CLMN: variants seen among roughly 807,000 people sequenced by gnomAD.
The protein encoded by CLMN is calmin, also known as calmin (calponin-like, transmembrane).
A neutral mutation model predicts 92.7 loss-of-function variants in CLMN; 57 were observed. That is an observed-to-expected ratio of 0.61 (90% confidence interval 0.50 to 0.77). The LOEUF is 0.77. Ranked by LOEUF, CLMN falls within the 30% of genes least tolerant of loss-of-function variation. The pLI, the probability that CLMN is intolerant of heterozygous loss-of-function variation, is 0.00. For missense variants in CLMN, 1,158 were observed against 1,237.5 expected (o/e 0.94, Z 0.96); for synonymous variants, 466 against 470.6 (o/e 0.99, Z 0.13).
rs185230943 is a variant in CLMN at position 95,276,292 on chromosome 14, T to C, written c.82+43419A>G. Among the ~76,000 whole-genome samples, 192 of 152,330 alleles carry C rather than the reference T, an allele frequency of 1.3e-3. 3 individuals carry two copies. Among genetic ancestry groups the C allele is most frequent in the African/African-American group, 4.4e-3 (184 of 41,578 alleles). Reference sequence around the variant, plus strand: ...AGACCATAGGGGATGAGAGGTCCTCTTGGTGAAGTCCCTCAGTAAGGAAAA... The same window carrying C: ...AGACCATAGGGGATGAGAGGTCCTCCTGGTGAAGTCCCTCAGTAAGGAAAA... On this transcript the variant is annotated intron_variant, in intron 1 of 12. Transcript: ENST00000298912.
At chr14:95,272,977 C>T in intron 1 of CLMN, among the ~76,000 whole-genome samples, 1 of 152,296 alleles carries the variant, frequency 6.6e-6, no homozygotes, top group South Asian at 2.1e-4. Flanking sequence ...TTCCCTTCCC[C>T]AAAGCAAACA....
chr14:95,268,019 G>C (rs1490849594), intron 1 of CLMN, among the ~76,000 whole-genome samples: 1 of 152,178 alleles, frequency 6.6e-6, no homozygotes, highest in Non-Finnish European at 1.5e-5. Context: ...CCAGGAAGGA[G>C]AGAGGGGAGA....
At chr14:95,245,246 A>ATATATAATATATATATATATAT (rs1898485356) in intron 1 of CLMN, among the ~76,000 whole-genome samples, 3 of 37,050 alleles carry the variant, frequency 8.1e-5, no homozygotes. Flanking sequence ...TATTATATAT[A>ATATATAATATATATATATATAT]TATATATAAT....
intron 1 of CLMN, among the ~76,000 whole-genome samples, chr14:95,286,293 T>C (rs1900339498): frequency 6.6e-6 from 1 of 152,226 alleles, no homozygotes; most frequent in East Asian, 1.9e-4. Context: ...TACAATGGAA[T>C]ATTATTTAGC....
At chr14:95,237,788 T>C (rs1184819960) in intron 1 of CLMN, among the ~76,000 whole-genome samples, 1 of 152,120 alleles carries the variant, frequency 6.6e-6, no homozygotes, top group East Asian at 1.9e-4. Flanking sequence ...ATAAGTGACC[T>C]CCCGAGATGC....
At chr14:95,200,217 C>G (rs1486068731) in intron 9 of CLMN, among the ~76,000 whole-genome samples, 3 of 152,152 alleles carry the variant, frequency 2.0e-5, no homozygotes, top group South Asian at 4.1e-4. Flanking sequence ...TGCAGCCTTT[C>G]TGGATCTGGG....
intron 1 of CLMN, among the ~76,000 whole-genome samples, chr14:95,287,525 G>A (rs1003217279): frequency 2.2e-4 from 33 of 152,178 alleles, no homozygotes; most frequent in African/African-American, 8.0e-4. Flanking sequence ...GCAGTGCCAT[G>A]GTTGTTAAAC....
At chr14:95,263,158 G>A (rs940612757) in intron 1 of CLMN, among the ~76,000 whole-genome samples, 5 of 152,210 alleles carry the variant, frequency 3.3e-5, no homozygotes, top group African/African-American at 4.8e-5. Flanking sequence ...AGTTCAGTAT[G>A]GCGGAGGAGG....
intron 1 of CLMN, among the ~76,000 whole-genome samples, chr14:95,296,515 G>A (rs1471849779): frequency 6.6e-6 from 1 of 152,178 alleles, no homozygotes; most frequent in Non-Finnish European, 1.5e-5. Flanking sequence ...CCAGTTTCCT[G>A]TGCAATTAAT....
At chr14:95,283,622 C>T (rs1900224438) in intron 1 of CLMN, among the ~76,000 whole-genome samples, 1 of 152,164 alleles carries the variant, frequency 6.6e-6, no homozygotes, top group Non-Finnish European at 1.5e-5. Context: ...TTGGGAACCA[C>T]AGCAAAGGTG....
At chr14:95,280,896 T>C (rs185247733) in intron 1 of CLMN, among the ~76,000 whole-genome samples, 45 of 152,350 alleles carry the variant, frequency 3.0e-4, no homozygotes, top group African/African-American at 1.0e-3. Flanking sequence ...CAAATTTCCT[T>C]GTAAATTTTG....
intron 1 of CLMN, among the ~76,000 whole-genome samples, chr14:95,245,552 G>A (rs1333190627): frequency 1.5e-5 from 2 of 132,400 alleles, no homozygotes; most frequent in Admixed American, 7.4e-5. Flanking sequence ...GAATGGATAG[G>A]TGGATGGAGA....
At chr14:95,241,373 G>A (rs1898237835) in intron 1 of CLMN, among the ~76,000 whole-genome samples, 1 of 152,144 alleles carries the variant, frequency 6.6e-6, no homozygotes, top group Non-Finnish European at 1.5e-5. Flanking sequence ...CTATGTCCAG[G>A]AGAGCATGCC....
chr14:95,283,639 G>C (rs1224119325), intron 1 of CLMN, among the ~76,000 whole-genome samples: 2 of 152,202 alleles, frequency 1.3e-5, no homozygotes, highest in Non-Finnish European at 2.9e-5. Context: ...GGTGACTCTT[G>C]TTATGTTTTA....
intron 4 of CLMN, among the ~76,000 whole-genome samples, chr14:95,218,316 T>A (rs2140609665): frequency 6.6e-6 from 1 of 152,222 alleles, no homozygotes; most frequent in South Asian, 2.1e-4. Flanking sequence ...GATGAGGAAG[T>A]TCAGGCTCAG....
chr14:95,295,543 G>A lies in CLMN; in HGVS notation c.82+24168C>T, dbSNP rs185488460. On this transcript the variant is annotated intron_variant, in intron 1 of 12. Transcript: ENST00000298912. The stretch of plus-strand genomic sequence containing the variant: ...CTCTGTCAGTCTGCCCGGGGGTGGT[G>A]TCAGGAGAGGACTCAGAAGAAGGGA... Among the ~76,000 whole-genome samples the A allele has an allele frequency of 3.5e-3, 533 of 152,330 alleles. 4 individuals carry two copies. The highest frequency in any genetic ancestry group is 0.012 in the African/African-American group (489 of 41,564).
Position 95,186,591 on chromosome 14 carries a change from C to G in CLMN, c.*4973G>C, listed in dbSNP as rs11844624. ...ACTTGTTTCTTTATTTTTGAGACAG[C>G]GTCTCGCTCTGTCACTCAGGTGGAG... is the stretch of plus-strand genomic sequence containing the variant. On this transcript the variant is annotated 3_prime_UTR_variant, in exon 13 of 13. Coordinates refer to ENST00000298912, the MANE Select transcript of CLMN (RefSeq NM_024734.4). 0.26 allele frequency: 39,381 copies of G among 152,112 alleles called. 6,275 individuals carry two copies. Among genetic ancestry groups the G allele is most frequent in the African/African-American group, 0.44 (18,200 of 41,458 alleles). The allele number at this position is 152,112 out of a possible 1,614,324, so 9.4% of individuals were successfully genotyped here.
At chr14:95,213,197 G>T in intron 6 of CLMN, 22 bp downstream of exon 6, 2 of 1,610,384 alleles carry the variant, frequency 1.2e-6, no homozygotes, top group Non-Finnish European at 1.7e-6. Context: ...GAAGTAGTGT[G>T]GGGAGAGGGG....
intron 2 of CLMN, among the ~76,000 whole-genome samples, chr14:95,226,930 T>A (rs1897730122): frequency 6.6e-6 from 1 of 152,212 alleles, no homozygotes; most frequent in Non-Finnish European, 1.5e-5. Flanking sequence ...CCTGTTTACC[T>A]TTTTGTACTG....
Sources: gnomAD v4.1 joint callset for allele counts (sites outside exome capture counted in the v4.1 genomes callset) on GRCh38, gnomAD v4.1.1 for gene constraint, MANE v1.5 for transcripts, NCBI Gene and HGNC (gene_info 2026-07-23, HGNC 2026-07-21) for gene names.